LIMS1: variants seen among roughly 807,000 people sequenced by gnomAD.
LIMS1 encodes LIM zinc finger domain containing 1.
A neutral mutation model predicts 44.1 loss-of-function variants in LIMS1; 18 were observed. That is an observed-to-expected ratio of 0.41 (90% confidence interval 0.28 to 0.61). The LOEUF (loss-of-function observed/expected upper bound fraction) is 0.61. LIMS1 is among the 20% of genes least tolerant of loss of function. The pLI is 0.32. For missense variants in LIMS1, 201 were observed against 422.0 expected, an observed-to-expected ratio of 0.48 and a Z score of 4.59; for synonymous variants, 93 against 149.1, an observed-to-expected ratio of 0.62 and a Z score of 2.74.
chr2:108,620,986 C>A (rs994257788), intron 1 of LIMS1, among the ~76,000 whole-genome samples: 6 of 152,208 alleles, frequency 3.9e-5, no homozygotes, highest in African/African-American at 1.4e-4. Flanking sequence ...GACTACCTTA[C>A]TGGAGCTTTT....
At chr2:108,663,756 T>A (rs948800701) in intron 2 of LIMS1, among the ~76,000 whole-genome samples, 16 of 151,966 alleles carry the variant, frequency 1.1e-4, no homozygotes, top group Admixed American at 5.9e-4. Flanking sequence ...TTTTTATTTT[T>A]ATTTTTATTT....
chr2:108,574,521 G>T (rs1685600501), intron 1 of LIMS1, among the ~76,000 whole-genome samples: 1 of 152,100 alleles, frequency 6.6e-6, no homozygotes, highest in Non-Finnish European at 1.5e-5. Flanking sequence ...ACCTCCCACT[G>T]CTTCTGTGCT....
intron 1 of LIMS1, among the ~76,000 whole-genome samples, chr2:108,549,279 C>CTTT (rs71381966): frequency 0.022 from 1,220 of 55,822 alleles, 319 homozygotes; most frequent in Middle Eastern, 0.062. Flanking sequence ...TAAAGTGTTT[C>CTTT]TTTTTTTTTT....
At chr2:108,660,473 G>T (rs1471721996) in intron 2 of LIMS1, 3 of 372,570 alleles carry the variant, frequency 8.1e-6, no homozygotes, top group African/African-American at 6.4e-5. Context: ...TCATTGTATA[G>T]CCCAGGCTAG....
chr2:108,685,655 CAT>C (rs920843157), exon 10 of LIMS1: 2 of 152,110 alleles, frequency 1.3e-5, no homozygotes, highest in Non-Finnish European at 1.5e-5. Flanking sequence ...ATAATCATCA[CAT>C]AGTTTAAGAT....
At chr2:108,572,967 A>G (rs1685536522) in intron 1 of LIMS1, among the ~76,000 whole-genome samples, 1 of 152,192 alleles carries the variant, frequency 6.6e-6, no homozygotes, top group Non-Finnish European at 1.5e-5. Flanking sequence ...TTCCTGGGCC[A>G]CATCAGACTG....
chr2:108,679,915 A>G (rs2149017949), intron 8 of LIMS1, among the ~76,000 whole-genome samples: 1 of 152,006 alleles, frequency 6.6e-6, no homozygotes, highest in Non-Finnish European at 1.5e-5. Context: ...AAAACAAAAG[A>G]AAAGAAGCTC....
At chr2:108,628,885 T>C (rs1688737035) in intron 1 of LIMS1, among the ~76,000 whole-genome samples, 1 of 152,214 alleles carries the variant, frequency 6.6e-6, no homozygotes, top group South Asian at 2.1e-4. Context: ...CAATCTTTGC[T>C]CCCTGGCTAA....
intron 1 of LIMS1, among the ~76,000 whole-genome samples, chr2:108,611,883 AATAT>A (rs1687634938): frequency 6.9e-6 from 1 of 145,976 alleles, no homozygotes; most frequent in Non-Finnish European, 1.5e-5. Flanking sequence ...ATATATATAA[AATAT>A]ATACACACAT....
chr2:108,673,173 AATGAT>A (rs1343519822), intron 5 of LIMS1, 144 bp downstream of exon 5: 1 of 1,256,056 alleles, frequency 8.0e-7, no homozygotes, highest in Non-Finnish European at 1.1e-6. Context: ...GAGTCAAGAG[AATGAT>A]ATAATGAAAC....
At chr2:108,570,875 G>C (rs114325131) in intron 1 of LIMS1, among the ~76,000 whole-genome samples, 1 of 152,174 alleles carries the variant, frequency 6.6e-6, no homozygotes. Context: ...AGTGTTAGCC[G>C]TCAGCTAGCT....
rs534483449 is a variant in LIMS1 at position 108,625,929 on chromosome 2, A to G, written c.33-33676A>G. Among the ~76,000 whole-genome samples, 3 of 152,344 alleles carry G rather than the reference A, an allele frequency of 2.0e-5. No individual in the cohort carries two copies. The East Asian group carries it at 5.8e-4, about 29-fold the overall frequency. ...CAGATCATGTGTTCCTGACTAGTAC[A>G]TAACCATTAATTGAACCCCTGTTAT... On this transcript the variant is annotated intron_variant, in intron 1 of 9. Transcript: ENST00000544547.
intron 2 of LIMS1, among the ~76,000 whole-genome samples, chr2:108,667,604 A>G (rs1216919275): frequency 6.7e-6 from 1 of 148,774 alleles, no homozygotes; most frequent in Non-Finnish European, 1.5e-5. Context: ...TTTATGCAAT[A>G]TACATCTTTC....
At chr2:108,569,472 A>G (rs1685409446) in intron 1 of LIMS1, among the ~76,000 whole-genome samples, 2 of 152,000 alleles carry the variant, frequency 1.3e-5, no homozygotes, top group South Asian at 2.1e-4. Flanking sequence ...TTGGGGACTT[A>G]TGTTTAGGTT....
intron 2 of LIMS1, chr2:108,660,673 C>T: frequency 4.2e-6 from 1 of 240,226 alleles, no homozygotes; most frequent in South Asian, 4.6e-5. Flanking sequence ...TCAGGTGATC[C>T]TCGGCCTCCC....
chr2:108,581,879 G>A (rs1242007635), intron 1 of LIMS1, among the ~76,000 whole-genome samples: 1 of 151,688 alleles, frequency 6.6e-6, no homozygotes, highest in African/African-American at 2.4e-5. Context: ...AGAGGTTGCA[G>A]TGAGCCAAGA....
At chr2:108,536,375 C>CT (rs1325457623) in intron 1 of LIMS1, among the ~76,000 whole-genome samples, 1 of 152,234 alleles carries the variant, frequency 6.6e-6, no homozygotes, top group Non-Finnish European at 1.5e-5. Context: ...CTGTCTATGA[C>CT]TTTGACTACT....
intron 1 of LIMS1, among the ~76,000 whole-genome samples, chr2:108,538,274 T>C (rs1684207149): frequency 6.6e-6 from 1 of 152,252 alleles, no homozygotes; most frequent in Non-Finnish European, 1.5e-5. Context: ...TCATCTCTTT[T>C]ATTTGATCAT....
At chr2:108,675,685 T>C (rs1273372048) in intron 5 of LIMS1, among the ~76,000 whole-genome samples, 193 bp from the exon 6 acceptor site, 1 of 152,184 alleles carries the variant, frequency 6.6e-6, no homozygotes, top group Non-Finnish European at 1.5e-5. Context: ...AAGATACAGA[T>C]GTTTTGGTAG....
Sources: gnomAD v4.1 joint callset for allele counts (sites outside exome capture counted in the v4.1 genomes callset) on GRCh38, gnomAD v4.1.1 for gene constraint, MANE v1.5 for transcripts, NCBI Gene and HGNC (gene_info 2026-07-23, HGNC 2026-07-21) for gene names.